The following RPS6KC1 variants were observed in gnomAD, a reference collection of about 807,000 sequenced individuals.
RPS6KC1 encodes ribosomal protein S6 kinase C1.
Under a neutral mutation model 103.8 loss-of-function variants are expected in RPS6KC1, and 54 were observed. The ratio of observed to expected loss-of-function variants is 0.52; its 90% CI spans 0.42 to 0.65. The LOEUF is 0.65. Among genes scored for constraint, RPS6KC1 ranks in the 30% least tolerant of loss-of-function variants. The pLI is 0.00. For synonymous variants in RPS6KC1, 439 were observed against 438.7 expected, an observed-to-expected ratio of 1.00 and a Z score of -0.01; for missense variants, 1,151 against 1,253.8, an observed-to-expected ratio of 0.92 and a Z score of 1.24.
chr1:213,698,186 T>A, the RPS6KC1 span, among the ~76,000 whole-genome samples: 1 of 152,238 alleles, frequency 6.6e-6, no homozygotes, highest in Non-Finnish European at 1.5e-5. Context: ...GGACTATCTG[T>A]AATTCTCACC....
chr1:213,588,153 A>G, the RPS6KC1 span, among the ~76,000 whole-genome samples: 3 of 151,970 alleles, frequency 2.0e-5, no homozygotes, highest in African/African-American at 7.3e-5. Context: ...ATAGCTCACC[A>G]CAGCCTCAAC....
the RPS6KC1 span, among the ~76,000 whole-genome samples, chr1:213,669,481 G>T: frequency 6.6e-6 from 1 of 152,076 alleles, no homozygotes; most frequent in Non-Finnish European, 1.5e-5. Flanking sequence ...AAAGATCACT[G>T]ATCACAGATC....
chr1:213,087,423 T>C (rs1384234960), intron 3 of RPS6KC1, among the ~76,000 whole-genome samples: 1 of 152,228 alleles, frequency 6.6e-6, no homozygotes, highest in East Asian at 1.9e-4. Context: ...CAGTGATAAT[T>C]ATTGGTTCTA....
At chr1:213,109,633 T>A (rs553122453) in intron 4 of RPS6KC1, among the ~76,000 whole-genome samples, 1 of 152,334 alleles carries the variant, frequency 6.6e-6, no homozygotes. Context: ...TCCATTTTTG[T>A]GATTATGTAA....
At position 213,230,553 on chromosome 1, in the gene RPS6KC1, A is replaced by G; in HGVS notation, c.1092+9A>G. 6.2e-7 allele frequency: 1 copy of G among 1,603,124 alleles called. No individual in the cohort carries two copies. The highest frequency in any genetic ancestry group is 8.5e-7 in the Non-Finnish European group (1 of 1,174,054). ...AGACTTTCATTTTAAAAGTAAGTAA[A>G]ATTTGTAGCCAGGCGCGGTGCCTAT... On this transcript the variant is annotated intron_variant, in intron 9 of 14. Transcript: ENST00000366960.
chr1:213,181,243 G>A (rs942214679), intron 8 of RPS6KC1, among the ~76,000 whole-genome samples: 8 of 152,168 alleles, frequency 5.3e-5, no homozygotes, highest in African/African-American at 9.7e-5. Flanking sequence ...GGTGAAGATC[G>A]TATATCTGGA....
the RPS6KC1 span, among the ~76,000 whole-genome samples, chr1:213,572,396 ATAACC>A: frequency 6.6e-6 from 1 of 152,252 alleles, no homozygotes; most frequent in Admixed American, 6.5e-5. Context: ...CTCAGAGGAA[ATAACC>A]TGGTGCTTTG....
intron 8 of RPS6KC1, among the ~76,000 whole-genome samples, chr1:213,189,715 C>T (rs771697704): frequency 6.6e-6 from 1 of 152,112 alleles, no homozygotes; most frequent in Non-Finnish European, 1.5e-5. Flanking sequence ...TGACTATAGT[C>T]ATTCTGTTGT....
intron 10 of RPS6KC1, among the ~76,000 whole-genome samples, chr1:213,235,710 G>A (rs922865532): frequency 6.6e-6 from 1 of 152,102 alleles, no homozygotes; most frequent in Non-Finnish European, 1.5e-5. Context: ...AGAGAAGTGA[G>A]GAGGCAGGCA....
the RPS6KC1 span, among the ~76,000 whole-genome samples, chr1:213,737,422 T>C: frequency 6.6e-6 from 1 of 152,322 alleles, no homozygotes; most frequent in African/African-American, 2.4e-5. Context: ...ATCAAAATGG[T>C]GATTTCAGCA....
chr1:213,629,844 G>A, the RPS6KC1 span, among the ~76,000 whole-genome samples: 16 of 152,114 alleles, frequency 1.1e-4, no homozygotes, highest in Non-Finnish European at 2.1e-4. Flanking sequence ...CACTTATGAA[G>A]CTTAGTTTGG....
At chr1:213,837,416 C>A in the RPS6KC1 span, 1 of 152,180 alleles carries the variant, frequency 6.6e-6, no homozygotes, top group East Asian at 1.9e-4. Context: ...TCTTCAGAAG[C>A]AAAACAGTAA....
the RPS6KC1 span, among the ~76,000 whole-genome samples, chr1:213,569,333 G>A: frequency 6.6e-6 from 1 of 152,150 alleles, no homozygotes; most frequent in African/African-American, 2.4e-5. Flanking sequence ...CATTGTAAAT[G>A]TTGTTTCAAT....
the RPS6KC1 span, among the ~76,000 whole-genome samples, chr1:213,666,207 G>A: frequency 3.6e-4 from 55 of 152,186 alleles, no homozygotes; most frequent in East Asian, 8.7e-3. Flanking sequence ...ACTGAATGAA[G>A]CATTTCCATG....
chr1:213,556,983 A>G, the RPS6KC1 span, among the ~76,000 whole-genome samples: 4 of 152,314 alleles, frequency 2.6e-5, no homozygotes, highest in Middle Eastern at 6.8e-3. Context: ...AGGACTAAAC[A>G]GTGGAAGAGA....
chr1:213,729,204 T>A, the RPS6KC1 span, among the ~76,000 whole-genome samples: 1 of 152,136 alleles, frequency 6.6e-6, no homozygotes, highest in Non-Finnish European at 1.5e-5. Context: ...AGAGTCAGCA[T>A]GACGGTAGAC....
the RPS6KC1 span, among the ~76,000 whole-genome samples, chr1:213,298,738 T>C: frequency 6.6e-6 from 1 of 152,200 alleles, no homozygotes; most frequent in African/African-American, 2.4e-5. Context: ...ATACCAATTT[T>C]ATAGCATCTT....
the RPS6KC1 span, among the ~76,000 whole-genome samples, chr1:213,636,017 A>C: frequency 6.6e-6 from 1 of 152,234 alleles, no homozygotes; most frequent in African/African-American, 2.4e-5. Context: ...TTCCATTCAC[A>C]ATTGCTACAA....
the RPS6KC1 span, among the ~76,000 whole-genome samples, chr1:213,667,353 C>G: frequency 6.6e-6 from 1 of 152,298 alleles, no homozygotes; most frequent in South Asian, 2.1e-4. Context: ...GAAGCATGCA[C>G]ATTTTTTGGC....
Sources: gnomAD v4.1 joint callset for allele counts (sites outside exome capture counted in the v4.1 genomes callset) on GRCh38, gnomAD v4.1.1 for gene constraint, MANE v1.5 for transcripts, NCBI Gene and HGNC (gene_info 2026-07-23, HGNC 2026-07-21) for gene names.